TMEM255B: variants seen among roughly 807,000 people sequenced by gnomAD.
TMEM255B encodes family with sequence similarity 70, member B.
In TMEM255B, 35 loss-of-function variants were observed where a neutral mutation model predicts 34.5. The ratio of observed to expected loss-of-function variants is 1.01; its 90% CI spans 0.77 to 1.34. TMEM255B has a LOEUF of 1.34. Among genes scored for constraint, TMEM255B ranks in the 40% most tolerant of loss-of-function variants. The probability of loss-of-function intolerance (pLI) is 0.00; values close to 1 mark genes in which losing one functional copy is unlikely to be tolerated. For synonymous variants in TMEM255B, 206 were observed against 201.2 expected (o/e 1.02, Z -0.20); for missense variants, 432 against 433.2 (o/e 1.00, Z 0.02).
At chr13:113,763,414 C>T (rs1289960364) in intron 1 of TMEM255B, among the ~76,000 whole-genome samples, 2 of 152,030 alleles carry the variant, frequency 1.3e-5, no homozygotes, top group African/African-American at 2.4e-5. Context: ...TTGCTCCCAG[C>T]GTGGGTTTGC....
chr13:113,795,028 G>A (rs888518657), intron 3 of TMEM255B, 120 bp from the exon 4 acceptor site: 3 of 851,712 alleles, frequency 3.5e-6, no homozygotes, highest in African/African-American at 1.7e-5. Context: ...GAAAGGTAGA[G>A]GTGAGAAGAG....
rs2051068497 is a variant in TMEM255B, at chr13:113,801,758, G to T, written c.615G>T (p.Leu205=). Residue 205 remains leucine, a synonymous_variant, in exon 7 of 9, where the codon CTG becomes CTT. Coordinates refer to ENST00000375353, the MANE Select transcript of TMEM255B (RefSeq NM_182614.4). ...LLWASAVLNV[L]GLFLGIITAA... ...GGGCCTCTGCAGTTCTGAACGTCCTGGGCCTGTTCCTGGGCATCATCACCG... is the reference window on the plus strand; with the variant it reads ...GGGCCTCTGCAGTTCTGAACGTCCTTGGCCTGTTCCTGGGCATCATCACCG... 6.2e-7 allele frequency: 1 copy of T among 1,612,964 alleles called. No individual in the cohort carries two copies.
intron 5 of TMEM255B, chr13:113,800,118 T>C (rs2051018163): frequency 9.2e-7 from 1 of 1,091,754 alleles, no homozygotes; most frequent in African/African-American, 2.0e-5. Context: ...GCAGGAGGCG[T>C]CCCGTGTGTG....
At chr13:113,792,047 A>G (rs924903857) in intron 3 of TMEM255B, among the ~76,000 whole-genome samples, 1 of 152,222 alleles carries the variant, frequency 6.6e-6, no homozygotes, top group Admixed American at 6.5e-5. Context: ...GCCCCGCTGG[A>G]GGCCGGCTTT....
rs2051405529 is a variant in TMEM255B at position 113,816,668 on chromosome 13, G to A, written c.*4765G>A. 1 of 152,234 alleles carries A rather than the reference G, an allele frequency of 6.6e-6. No individual in the cohort carries two copies. The highest frequency in any genetic ancestry group is 6.5e-5 in the Admixed American group (1 of 15,290). The allele number at this position is 152,234 out of a possible 1,614,324, so 9.4% of individuals were successfully genotyped here. A position where few individuals can be genotyped will look rare whatever the true frequency, so the allele number is the denominator to read the frequency against. ...GCAGAGATGCCTCCGAAACTCTGGA[G>A]ACCCACAGAGGCAGAAGAGGATTCC... On this transcript the variant is annotated 3_prime_UTR_variant, in exon 9 of 9. Coordinates refer to ENST00000375353, the MANE Select transcript of TMEM255B (RefSeq NM_182614.4).
rs530920000 is a variant in TMEM255B at position 113,813,098 on chromosome 13, T to C, written c.*1195T>C. The C allele has an allele frequency of 2.7e-5, 4 of 150,938 alleles. No individual in the cohort carries two copies. Among genetic ancestry groups the C allele is most frequent in the Admixed American group, 6.6e-5 (1 of 15,212 alleles). 9.3% of individuals were successfully genotyped at this position (150,938 alleles called of 1,614,324 possible). On this transcript the variant is annotated 3_prime_UTR_variant, in exon 9 of 9. Transcript: ENST00000375353. ...AGTAGCCGAAGTCTCTTGAAAAGTG[T>C]TGGATGTGGGGAGAGGCTTTCTCTG...
chr13:113,769,636 G>C lies in TMEM255B; in HGVS notation c.252+476G>C, dbSNP rs1328432168. ...GACATAAAACCAGGAGGGAGCCCCCGGTTCACATGGCAGCAATGCAGAGTG... is the reference window on the plus strand; with the variant it reads ...GACATAAAACCAGGAGGGAGCCCCCCGTTCACATGGCAGCAATGCAGAGTG... On this transcript the variant is annotated intron_variant, in intron 3 of 8. Transcript: ENST00000375353. The surrounding 1 kb of genome is among the most constrained non-coding windows in gnomAD (Gnocchi z 4.2). 1 of 167,694 alleles carries C rather than the reference G, an allele frequency of 6.0e-6. No homozygotes were observed. Among genetic ancestry groups the C allele is most frequent in the African/African-American group, 2.4e-5 (1 of 41,924 alleles). 10.4% of individuals were successfully genotyped at this position (167,694 alleles called of 1,614,324 possible). A position where few individuals can be genotyped will look rare whatever the true frequency, so the allele number is the denominator to read the frequency against.
At chr13:113,795,891 CACACAGCACACACACA>C (rs1326808298) in intron 4 of TMEM255B, among the ~76,000 whole-genome samples, 3 of 130,822 alleles carry the variant, frequency 2.3e-5, no homozygotes, top group African/African-American at 5.9e-5. Context: ...ACACACAGAG[CACACAGCACACACACA>C]ACACAGCACA....
rs1426485843 is a variant in TMEM255B, at chr13:113,800,855, G to A, written c.452G>A (p.Cys151Tyr). 1.9e-6 allele frequency: 3 copies of A among 1,610,382 alleles called. No homozygotes were observed. The South Asian group carries it at 3.3e-5, about 18-fold the overall frequency. The change falls in exon 6 of 9, where the codon TGC becomes TAC. Residue 151 changes from cysteine to tyrosine, a missense_variant. Transcript: ENST00000375353. ...ACCTGTCACTCCCTGGACGGCAAGT[G>A]CCAGCTGAAGGTGAGAAGCAACACC... is the stretch of plus-strand genomic sequence containing the variant. ...EVTCHSLDGK[C>Y]QLKVRSNTCY... is the part of the protein sequence containing the mutation.
intron 3 of TMEM255B, among the ~76,000 whole-genome samples, chr13:113,773,411 G>A (rs1302110605): frequency 2.0e-5 from 3 of 152,182 alleles, no homozygotes; most frequent in Non-Finnish European, 4.4e-5. Context: ...TTACAATCTG[G>A]ATGCATGGGG....
chr13:113,790,608 T>C (rs1471072534), intron 3 of TMEM255B, among the ~76,000 whole-genome samples: 1 of 146,564 alleles, frequency 6.8e-6, no homozygotes, highest in Non-Finnish European at 1.5e-5. Flanking sequence ...GTAGACATCC[T>C]AGCACTGAAC....
rs757258071 is a variant in TMEM255B at position 113,816,395 on chromosome 13, G to T, written c.*4492G>T. 2 of 161,128 alleles carry T rather than the reference G, an allele frequency of 1.2e-5. No homozygotes were observed. Among genetic ancestry groups the T allele is most frequent in the Admixed American group, 6.5e-5 (1 of 15,312 alleles). The allele number at this position is 161,128 out of a possible 1,614,324, so 10.0% of individuals were successfully genotyped here. A position where few individuals can be genotyped will look rare whatever the true frequency, so the allele number is the denominator to read the frequency against. On this transcript the variant is annotated 3_prime_UTR_variant, in exon 9 of 9. Transcript: ENST00000375353. The stretch of plus-strand genomic sequence containing the variant: ...CGGCCCCGTGGATGGACTGACCACC[G>T]ACCCATGCTCTGCACTCATGAGGCG...
Position 113,769,068 on chromosome 13 carries a change from G to A in TMEM255B, c.190-30G>A, listed in dbSNP as rs922238743. On this transcript the variant is annotated intron_variant, in intron 2 of 8. Coordinates refer to ENST00000375353, the MANE Select transcript of TMEM255B (RefSeq NM_182614.4). This position sits in a 1 kb window ranked among gnomAD's most constrained non-coding sequence, Gnocchi z 4.2. ...TAAGCTTCTAGGCACGTTAATGAGT[G>A]TTTCTCTCTCGTTCTTCCTTTGGTT... 5 of 1,612,984 alleles carry A rather than the reference G, an allele frequency of 3.1e-6. No homozygotes were observed. The African/African-American group carries it at 6.7e-5, about 22-fold the overall frequency.
Position 113,800,925 on chromosome 13 carries a change from G to T in TMEM255B, c.509+13G>T. The T allele has an allele frequency of 8.4e-7, 1 of 1,196,252 alleles. No individual in the cohort carries two copies. Among genetic ancestry groups the T allele is most frequent in the Non-Finnish European group, 1.1e-6 (1 of 880,864 alleles). The allele number at this position is 1,196,252 out of a possible 1,614,324, so 74.1% of individuals were successfully genotyped here. Reference sequence around the variant, plus strand: ...ATGCCTGCGGGAGGTGAGGGGCACCGGGGACCCCCATATCTACACCTGCGG... The same window carrying T: ...ATGCCTGCGGGAGGTGAGGGGCACCTGGGACCCCCATATCTACACCTGCGG... On this transcript the variant is annotated intron_variant, in intron 6 of 8. Coordinates refer to ENST00000375353, the MANE Select transcript of TMEM255B (RefSeq NM_182614.4).
chr13:113,804,688 C>T (rs1350064683), intron 7 of TMEM255B, among the ~76,000 whole-genome samples, 197 bp from the exon 8 acceptor site: 2 of 145,326 alleles, frequency 1.4e-5, no homozygotes, highest in Non-Finnish European at 3.0e-5. Context: ...CACGCCGGGC[C>T]GGGGTTAGCT....
intron 4 of TMEM255B, 54 bp from the exon 5 acceptor site, chr13:113,799,285 T>C (rs946655566): frequency 1.7e-5 from 27 of 1,582,006 alleles, no homozygotes; most frequent in Non-Finnish European, 2.3e-5. Flanking sequence ...GCCTCTGGCC[T>C]CTCCCGCCTG....
Position 113,801,690 on chromosome 13 carries a change from G to A in TMEM255B, c.547G>A (p.Val183Ile), listed in dbSNP as rs41284482. 26,648 of 1,611,300 alleles carry A rather than the reference G, an allele frequency of 0.017. 746 individuals are homozygous for A. Among genetic ancestry groups the A allele is most frequent in the Admixed American group, 0.12 (6,907 of 59,880 alleles). ...GCCCGCCTACTATGAGTTCATCGGC[G>A]TCAGCGGCTGCCAGGACGTGCTGCA... The part of the protein sequence containing the change: ...PSPAYYEFIG[V>I]SGCQDVLHLY... The change falls in exon 7 of 9, where the codon GTC (valine) becomes ATC (isoleucine). Residue 183 changes from valine (V) to isoleucine (I), a missense_variant. Transcript: ENST00000375353.
chr13:113,759,813 TG>T (rs2050267029), intron 1 of TMEM255B, among the ~76,000 whole-genome samples: 1 of 152,168 alleles, frequency 6.6e-6, no homozygotes, highest in Admixed American at 6.5e-5. Context: ...CAGTGTTGCT[TG>T]GTTTCGGCTC....
At chr13:113,776,352 G>A (rs975848862) in intron 3 of TMEM255B, among the ~76,000 whole-genome samples, 2 of 152,214 alleles carry the variant, frequency 1.3e-5, no homozygotes, top group African/African-American at 2.4e-5. Context: ...GAGCTTGGAG[G>A]CCTGTGGGAT....
Sources: gnomAD v4.1 joint callset for allele counts (sites outside exome capture counted in the v4.1 genomes callset) on GRCh38, gnomAD v4.1.1 for gene constraint, Gnocchi (gnomAD v3.1) non-coding constraint, MANE v1.5 for transcripts, NCBI Gene and HGNC (gene_info 2026-07-23, HGNC 2026-07-21) for gene names.